MACROH2A2: variants seen among roughly 807,000 people sequenced by gnomAD.
MACROH2A2 encodes core histone macro-H2A.2.
MACROH2A2 carries 6 observed loss-of-function variants against 37.6 expected under a neutral mutation model. The observed-to-expected ratio is 0.16, with a 90% CI of 0.09 to 0.32. MACROH2A2 has a LOEUF of 0.32. Ranked by LOEUF, MACROH2A2 falls within the 10% of genes least tolerant of loss-of-function variation. The probability of loss-of-function intolerance (pLI) is 1.00; values close to 1 mark genes in which losing one functional copy is unlikely to be tolerated. For synonymous variants in MACROH2A2, 192 were observed against 202.7 expected, an observed-to-expected ratio of 0.95 and a Z score of 0.45; for missense variants, 290 against 485.9, an observed-to-expected ratio of 0.60 and a Z score of 3.79.
chr10:70,071,059 G>A (rs191376959), intron 1 of MACROH2A2, among the ~76,000 whole-genome samples: 37 of 150,312 alleles, frequency 2.5e-4, no homozygotes, highest in South Asian at 4.2e-4. Context: ...GTGTGTGGGC[G>A]CGCGTGTGCA....
chr10:70,095,444 A>G (rs1417459091), intron 5 of MACROH2A2, among the ~76,000 whole-genome samples: 1 of 152,054 alleles, frequency 6.6e-6, no homozygotes, highest in Non-Finnish European at 1.5e-5. Flanking sequence ...GCATGCTGCC[A>G]GCCCCAGAGT....
Position 70,093,782 on chromosome 10 carries a change from T to C in MACROH2A2, c.525T>C (p.Ser175=), listed in dbSNP as rs115694077. The part of the protein sequence containing the change: ...SDKEGTSNST[S]EDGPGDGFTI... ...AAGAAGGAACTTCAAATTCCACCTC[T>C]GAAGATGGGCCAGGGGATGGATTCA... is the stretch of plus-strand genomic sequence containing the variant. The change falls in exon 5 of 9, where the codon TCT becomes TCC. Residue 175 remains serine, a synonymous_variant. Coordinates refer to ENST00000373255, the MANE Select transcript of MACROH2A2 (RefSeq NM_018649.3). 2.5e-4 allele frequency: 408 copies of C among 1,612,678 alleles called. 1 individual carries two copies. The African/African-American group carries it at 4.8e-3, about 19-fold the overall frequency.
At chr10:70,105,414 G>T (rs1221981379) in intron 7 of MACROH2A2, among the ~76,000 whole-genome samples, 1 of 152,222 alleles carries the variant, frequency 6.6e-6, no homozygotes, top group Non-Finnish European at 1.5e-5. Context: ...ATGGGCGAGG[G>T]AGTCAGGGAC....
intron 7 of MACROH2A2, among the ~76,000 whole-genome samples, chr10:70,104,576 G>A (rs1210564558): frequency 6.6e-6 from 1 of 152,188 alleles, no homozygotes; most frequent in East Asian, 1.9e-4. Flanking sequence ...TTGGGAGGCT[G>A]AGGCAGGAGA....
rs1258670917 is a variant in MACROH2A2 at position 70,053,083 on chromosome 10, G to C, written c.-60+83G>C. Reference sequence around the variant, plus strand: ...AACGCGCCGCCGGGGCAGTGCAGGGGCCGGAGAGAACCACCTCTGCCTCTC... The same window carrying C: ...AACGCGCCGCCGGGGCAGTGCAGGGCCCGGAGAGAACCACCTCTGCCTCTC... On this transcript the variant is annotated intron_variant, in intron 1 of 8. Transcript: ENST00000373255. This position sits in a 1 kb window ranked among gnomAD's most constrained non-coding sequence, Gnocchi z 4.8. 2 of 152,296 alleles carry C rather than the reference G, an allele frequency of 1.3e-5. No individual in the cohort carries two copies. Among genetic ancestry groups the C allele is most frequent in the Non-Finnish European group, 1.5e-5 (1 of 68,164 alleles). 9.4% of individuals were successfully genotyped at this position (152,296 alleles called of 1,614,324 possible). A position where few individuals can be genotyped will look rare whatever the true frequency, so the allele number is the denominator to read the frequency against.
At chr10:70,096,647 A>G (rs1040165087) in intron 6 of MACROH2A2, among the ~76,000 whole-genome samples, 2 of 152,186 alleles carry the variant, frequency 1.3e-5, no homozygotes, top group African/African-American at 4.8e-5. Context: ...ATTTTTACCA[A>G]GCAGAACTGC....
chr10:70,070,704 G>A (rs1360730208), intron 1 of MACROH2A2, among the ~76,000 whole-genome samples: 1 of 151,988 alleles, frequency 6.6e-6, no homozygotes, highest in Non-Finnish European at 1.5e-5. Flanking sequence ...TGTTGCCCAG[G>A]CTCAAACTCC....
intron 2 of MACROH2A2, among the ~76,000 whole-genome samples, chr10:70,085,268 G>C (rs755686685): frequency 1.3e-5 from 2 of 152,212 alleles, no homozygotes; most frequent in South Asian, 4.1e-4. Flanking sequence ...TGCTTTACCT[G>C]TGAAGCCCCC....
At chr10:70,096,233 A>C (rs2072275606) in intron 6 of MACROH2A2, among the ~76,000 whole-genome samples, 2 of 152,184 alleles carry the variant, frequency 1.3e-5, no homozygotes, top group Non-Finnish European at 2.9e-5. Context: ...TGTGAAATCT[A>C]TCCATGTCGT....
chr10:70,078,027 A>G (rs2136626782), intron 2 of MACROH2A2, among the ~76,000 whole-genome samples: 1 of 152,264 alleles, frequency 6.6e-6, no homozygotes, highest in Middle Eastern at 3.4e-3. Flanking sequence ...CTACCCCAAT[A>G]TTTGTGTGAT....
intron 8 of MACROH2A2, 99 bp downstream of exon 8, chr10:70,109,306 A>G (rs1589842515): frequency 1.0e-6 from 1 of 975,042 alleles, no homozygotes; most frequent in Non-Finnish European, 1.6e-6. Context: ...AAGGGCTGCC[A>G]GCACAGCCAA....
At chr10:70,104,095 T>C (rs2072321611) in intron 7 of MACROH2A2, among the ~76,000 whole-genome samples, 1 of 152,166 alleles carries the variant, frequency 6.6e-6, no homozygotes, top group Non-Finnish European at 1.5e-5. Context: ...GGCCAGTGAG[T>C]GTTAGCACCC....
rs1589828125 is a variant in MACROH2A2 at position 70,053,318 on chromosome 10, G to A, written c.-60+318G>A. Among the ~76,000 whole-genome samples, 1 of 152,244 alleles carries A rather than the reference G, an allele frequency of 6.6e-6. No individual in the cohort carries two copies. Among genetic ancestry groups the A allele is most frequent in the South Asian group, 2.1e-4 (1 of 4,828 alleles). On this transcript the variant is annotated intron_variant, in intron 1 of 8. Coordinates refer to ENST00000373255, the MANE Select transcript of MACROH2A2 (RefSeq NM_018649.3). The surrounding 1 kb of genome is among the most constrained non-coding windows in gnomAD (Gnocchi z 4.8). ...ATGCGAGGTTCAGCAGCGGGCCCCAGGCGAGGCTGGACCCGGAGGAAGCGG... is the reference window on the plus strand; with the variant it reads ...ATGCGAGGTTCAGCAGCGGGCCCCAAGCGAGGCTGGACCCGGAGGAAGCGG...
At position 70,095,762 on chromosome 10, in the gene MACROH2A2, C is replaced by T. The variant is rs1450916375; in HGVS notation, c.688+9C>T. ...CCTCAAAGAAGATATAGGTAAGGTC[C>T]TGAGACTTCAGTAGAAGTGCCATAG... On this transcript the variant is annotated intron_variant, in intron 6 of 8. Transcript: ENST00000373255. 20 of 1,357,348 alleles carry T rather than the reference C, an allele frequency of 1.5e-5. No individual in the cohort carries two copies. Among genetic ancestry groups the T allele is most frequent in the Non-Finnish European group, 2.1e-5 (20 of 945,706 alleles). 84.1% of individuals were successfully genotyped at this position (1,357,348 alleles called of 1,614,324 possible).
In MACROH2A2 at chr10:70,075,628, G is replaced by T; in HGVS notation, c.-31G>T. On this transcript the variant is annotated 5_prime_UTR_variant, in exon 2 of 9. Transcript: ENST00000373255. The surrounding 1 kb of genome is among the most constrained non-coding windows in gnomAD (Gnocchi z 5.0). Reference sequence around the variant, plus strand: ...TGTGTTAGTGCCGGGAGGCCACTGTGTCAGCAAGCTGAGAGGGAAACTGAA... The same window carrying T: ...TGTGTTAGTGCCGGGAGGCCACTGTTTCAGCAAGCTGAGAGGGAAACTGAA... 6.2e-7 allele frequency: 1 copy of T among 1,609,762 alleles called. No homozygotes were observed. Among genetic ancestry groups the T allele is most frequent in the Non-Finnish European group, 8.5e-7 (1 of 1,176,290 alleles).
intron 2 of MACROH2A2, among the ~76,000 whole-genome samples, chr10:70,081,901 C>T (rs961716375): frequency 2.0e-5 from 3 of 152,172 alleles, no homozygotes; most frequent in Non-Finnish European, 2.9e-5. Flanking sequence ...ACCCCATTTT[C>T]CATGATGTAA....
intron 6 of MACROH2A2, among the ~76,000 whole-genome samples, chr10:70,099,828 A>G (rs536386447): frequency 6.6e-6 from 1 of 152,320 alleles, no homozygotes; most frequent in South Asian, 2.1e-4. Flanking sequence ...CACGTACAGT[A>G]CGTTGATGGC....
At chr10:70,090,240 T>C (rs2072236637) in intron 3 of MACROH2A2, 74 bp downstream of exon 3, 2 of 948,162 alleles carry the variant, frequency 2.1e-6, no homozygotes, top group Admixed American at 1.8e-5. Context: ...TGGCTGGCCA[T>C]GAGTCACTCC....
chr10:70,079,977 A>G (rs990395715), intron 2 of MACROH2A2, among the ~76,000 whole-genome samples: 2 of 152,100 alleles, frequency 1.3e-5, no homozygotes, highest in Non-Finnish European at 1.5e-5. Flanking sequence ...GGAGTAGGGA[A>G]TGGGTAAAAG....
Sources: allele counts gnomAD v4.1 joint callset (sites outside exome capture counted in the v4.1 genomes callset), GRCh38; gene constraint gnomAD v4.1.1; non-coding constraint Gnocchi (gnomAD v3.1); transcripts MANE v1.5; gene names NCBI Gene and HGNC (gene_info 2026-07-23, HGNC 2026-07-21).